The following HAS1 variants were observed in gnomAD, a reference collection of about 807,000 sequenced individuals.
HAS1 encodes the protein HA synthase 1.
HAS1 carries 27 observed loss-of-function variants against 35.0 expected under a neutral mutation model. That is an observed-to-expected ratio of 0.77 (90% CI 0.57 to 1.06). HAS1 has a LOEUF of 1.06. Ranked by LOEUF, HAS1 falls within the 50% of genes least tolerant of loss-of-function variation. HAS1 has a pLI of 0.00. For missense variants in HAS1, 940 were observed against 814.8 expected (o/e 1.15, Z -1.87); for synonymous variants, 409 against 371.2 (o/e 1.10, Z -1.17).
chr19:51,723,552 A>G (rs987362898), intron 1 of HAS1, among the ~76,000 whole-genome samples: 1 of 151,846 alleles, frequency 6.6e-6, no homozygotes, highest in African/African-American at 2.4e-5. Context: ...GGCAAATCCA[A>G]CTCTCTTTCT....
At chr19:51,717,375 A>C (rs1395035960) in intron 2 of HAS1, among the ~76,000 whole-genome samples, 182 bp from the exon 3 acceptor site, 1 of 152,224 alleles carries the variant, frequency 6.6e-6, no homozygotes, top group African/African-American at 2.4e-5. Flanking sequence ...CAAGATGCAC[A>C]TCCTTGTATG....
At chr19:51,720,172 T>G (rs1432147587) in intron 1 of HAS1, among the ~76,000 whole-genome samples, 4 of 151,656 alleles carry the variant, frequency 2.6e-5, no homozygotes. Flanking sequence ...CAGCCTAGTG[T>G]CGCCATCTAG....
chr19:51,720,521 C>A (rs1033740764), intron 1 of HAS1, among the ~76,000 whole-genome samples: 1 of 152,126 alleles, frequency 6.6e-6, no homozygotes, highest in Non-Finnish European at 1.5e-5. Context: ...TAGACAGGGT[C>A]TTGCTCTGTC....
chr19:51,719,100 A>G lies in HAS1; in HGVS notation c.699+106T>C. 4.7e-6 allele frequency: 3 copies of G among 635,652 alleles called. No homozygotes were observed. The South Asian group carries it at 7.5e-5, about 16-fold the overall frequency. The allele number at this position is 635,652 out of a possible 1,614,324, so 39.4% of individuals were successfully genotyped here. Reference sequence around the variant, plus strand: ...CTCTCCACTGCATGGATGAAAGAATAAAGAAAGGGAGAGAGTCATTCAAAT... The same window carrying G: ...CTCTCCACTGCATGGATGAAAGAATGAAGAAAGGGAGAGAGTCATTCAAAT... On this transcript the variant is annotated intron_variant, in intron 2 of 4. Coordinates refer to ENST00000540069, the MANE Select transcript of HAS1 (RefSeq NM_001297436.2).
At position 51,714,108 on chromosome 19, in the gene HAS1, C is replaced by T. The variant is rs1393440054; in HGVS notation, c.1059-6G>A. 4.4e-6 allele frequency: 7 copies of T among 1,609,134 alleles called. No homozygotes were observed. Among genetic ancestry groups the T allele is most frequent in the Admixed American group, 1.7e-5 (1 of 59,130 alleles). ...AGCGGGACCTGGAGGTGTACCTGCA[C>T]GGGGGCGAGGAATGAGGGCATCATC... On this transcript the variant is annotated splice_region_variant and splice_polypyrimidine_tract_variant and intron_variant, in intron 4 of 4. Coordinates refer to ENST00000540069, the MANE Select transcript of HAS1 (RefSeq NM_001297436.2).
chr19:51,714,523 T>TAAAAA (rs1192483861), intron 4 of HAS1, among the ~76,000 whole-genome samples: 5 of 85,846 alleles, frequency 5.8e-5, no homozygotes, highest in African/African-American at 9.3e-5. Context: ...ACCCCATCTC[T>TAAAAA]AAAAAAAAAA....
intron 2 of HAS1, among the ~76,000 whole-genome samples, chr19:51,718,530 G>T (rs957395745): frequency 6.6e-6 from 1 of 152,094 alleles, no homozygotes; most frequent in Non-Finnish European, 1.5e-5. Flanking sequence ...AAGTAAGGAA[G>T]AACTTTTATT....
In HAS1 at chr19:51,713,959, G is replaced by C. The variant is rs1289468576; in HGVS notation, c.1202C>G (p.Thr401Ser). 1.9e-6 allele frequency: 3 copies of C among 1,612,332 alleles called. No homozygotes were observed. The highest frequency in any genetic ancestry group is 1.7e-6 in the Non-Finnish European group (2 of 1,180,026). The change falls in exon 5 of 5, where the codon ACC (threonine) becomes AGC (serine). Residue 401 changes from threonine (T) to serine (S), a missense_variant. Thr to Ser is a moderately conservative substitution (Grantham distance 58). Coordinates refer to ENST00000540069, the MANE Select transcript of HAS1 (RefSeq NM_001297436.2). The surrounding 1 kb of genome is among the most constrained non-coding windows in gnomAD (Gnocchi z 4.5). ...CAGGCCGGAGACCACCGCCTCGTAG[G>C]TCATCCACGCATGGTGCCGGTGCCA... Reference protein sequence around the residue: ...LWWHRHHAWMTYEAVVSGLFP... With the variant: ...LWWHRHHAWMSYEAVVSGLFP...
In HAS1 at chr19:51,723,962, C is replaced by T; in HGVS notation, c.-29G>A. The T allele has an allele frequency of 6.5e-7, 1 of 1,538,748 alleles. No individual in the cohort carries two copies. Among genetic ancestry groups the T allele is most frequent in the Non-Finnish European group, 8.7e-7 (1 of 1,146,252 alleles). On this transcript the variant is annotated 5_prime_UTR_variant, in exon 1 of 5. Transcript: ENST00000540069. ...AGTGGGTCTGGCCGGGCTCTCTCTT[C>T]TCTCCGGCTTGCTCTCCCAGCCTCT... is the stretch of plus-strand genomic sequence containing the variant.
Position 51,713,596 on chromosome 19 carries a change from T to C in HAS1, c.1565A>G (p.His522Arg), listed in dbSNP as rs1300892406. ...GCCGCTCCAGTCGGCCCTGGCCTCG[T>C]GTGCTACGCTGCGGACCAGGCCCCC... ...LLGGLVRSVA[H>R]EARADWSGPS... The change falls in exon 5 of 5, where the codon CAC (histidine) becomes CGC (arginine). Residue 522 changes from histidine (H) to arginine (R), a missense_variant. Transcript: ENST00000540069. The surrounding 1 kb of genome is among the most constrained non-coding windows in gnomAD (Gnocchi z 4.5). 5 of 1,555,702 alleles carry C rather than the reference T, an allele frequency of 3.2e-6. No homozygotes were observed. Among genetic ancestry groups the C allele is most frequent in the African/African-American group, 2.7e-5 (2 of 73,292 alleles).
intron 4 of HAS1, among the ~76,000 whole-genome samples, chr19:51,715,559 C>T (rs2083580995): frequency 6.6e-6 from 1 of 152,172 alleles, no homozygotes; most frequent in Non-Finnish European, 1.5e-5. Context: ...CAATTGGTGT[C>T]CTGTCTGCCT....
At position 51,718,932 on chromosome 19, in the gene HAS1, T is replaced by C. The variant is rs528751834; in HGVS notation, c.699+274A>G. 1.2e-4 allele frequency among the ~76,000 whole-genome samples: 18 copies of C among 152,322 alleles called. No homozygotes were observed. The South Asian group carries it at 3.5e-3, about 30-fold the overall frequency. On this transcript the variant is annotated intron_variant, in intron 2 of 4. Transcript: ENST00000540069. The stretch of plus-strand genomic sequence containing the variant: ...TGAGTCAAGAATGAGTGAAATTGTC[T>C]CTTCCTGGAATGCGTAGGTGAATGA...
rs201351993 is a variant in HAS1, at chr19:51,716,116, C to T, written c.1058+140G>A. ...GCCCCTCTGCCCATTATGGTATCCT[C>T]CTCTCTCCTCTAAAGTCTCACTTGA... On this transcript the variant is annotated intron_variant, in intron 4 of 4. Coordinates refer to ENST00000540069, the MANE Select transcript of HAS1 (RefSeq NM_001297436.2). 53 of 748,202 alleles carry T rather than the reference C, an allele frequency of 7.1e-5. No individual in the cohort carries two copies. In the East Asian group the frequency reaches 1.3e-3, roughly 19 times the overall value. The allele number at this position is 748,202 out of a possible 1,614,324, so 46.3% of individuals were successfully genotyped here. A position where few individuals can be genotyped will look rare whatever the true frequency, so the allele number is the denominator to read the frequency against.
In HAS1 at chr19:51,719,788, G is replaced by A; in HGVS notation, c.117C>T (p.Tyr39=). 1 of 1,559,918 alleles carries A rather than the reference G, an allele frequency of 6.4e-7. No homozygotes were observed. The highest frequency in any genetic ancestry group is 2.4e-5 in the East Asian group (1 of 42,026). Residue 39 remains tyrosine (Y), a synonymous_variant, in exon 2 of 5, where the codon TAC becomes TAT. Coordinates refer to ENST00000540069, the MANE Select transcript of HAS1 (RefSeq NM_001297436.2). The part of the protein sequence containing the change: ...LLILGLMTWA[Y]AAGVPLASDR... ...CGGAGGCCAGCGGCACCCCGGCGGC[G>A]TAGGCCCAGGTCATGAGGCCCAGGA...
At position 51,717,096 on chromosome 19, in the gene HAS1, A is replaced by G. The variant is rs2083592105; in HGVS notation, c.797T>C (p.Val266Ala). The G allele has an allele frequency of 1.2e-6, 2 of 1,613,766 alleles. No homozygotes were observed. Among genetic ancestry groups the G allele is most frequent in the African/African-American group, 2.7e-5 (2 of 74,864 alleles). Residue 266 changes from valine (V) to alanine (A), a missense_variant, in exon 3 of 5, where the codon GTG becomes GCG. Val to Ala is a moderately conservative substitution (Grantham distance 64). Coordinates refer to ENST00000540069, the MANE Select transcript of HAS1 (RefSeq NM_001297436.2). ...GGAGTCCAGAGGGTTAAGGATCCGCACGTCCCCACCAACAGCCCCTACCCG... is the reference window on the plus strand; with the variant it reads ...GGAGTCCAGAGGGTTAAGGATCCGCGCGTCCCCACCAACAGCCCCTACCCG... ...DPRVGAVGGD[V>A]RILNPLDSWV... is the part of the protein sequence containing the mutation.
intron 4 of HAS1, 33 bp from the exon 5 acceptor site, chr19:51,714,135 C>T (rs374516024): frequency 2.0e-4 from 317 of 1,593,814 alleles, no homozygotes; most frequent in Middle Eastern, 3.3e-4. Flanking sequence ...GGCATCATCG[C>T]GTGCTCCCTG....
At position 51,719,599 on chromosome 19, in the gene HAS1, G is replaced by A. The variant is rs1428814352; in HGVS notation, c.306C>T (p.Ala102=). Residue 102 remains alanine (A), a synonymous_variant, in exon 2 of 5, where the codon GCC becomes GCT. Transcript: ENST00000540069. The part of the protein sequence containing the change: ...TARSVALTIS[A]YQEDPAYLRQ... ...GCAGGTACGCGGGGTCCTCCTGGTA[G>A]GCGGAGATGGTCAGCGCCACACTGC... 3.2e-6 allele frequency: 5 copies of A among 1,541,472 alleles called. No homozygotes were observed. The African/African-American group carries it at 6.9e-5, about 21-fold the overall frequency.
At chr19:51,722,121 C>T (rs565494735) in intron 1 of HAS1, among the ~76,000 whole-genome samples, 42 of 152,170 alleles carry the variant, frequency 2.8e-4, no homozygotes, top group Non-Finnish European at 5.0e-4. Flanking sequence ...TATTTAAATG[C>T]GTCGTTAAGA....
At chr19:51,714,194 CTGGGGG>C (rs2083567925) in intron 4 of HAS1, 92 bp from the exon 5 acceptor site, 1 of 1,527,016 alleles carries the variant, frequency 6.5e-7, no homozygotes, top group Non-Finnish European at 8.8e-7. Context: ...TGGACGGCCA[CTGGGGG>C]CGAGTTTCTT....
Sources: gnomAD v4.1 joint callset for allele counts (sites outside exome capture counted in the v4.1 genomes callset) on GRCh38, gnomAD v4.1.1 for gene constraint, Gnocchi (gnomAD v3.1) non-coding constraint, MANE v1.5 for transcripts, NCBI Gene and HGNC (gene_info 2026-07-23, HGNC 2026-07-21) for gene names.